The following EFCAB5 variants were observed in gnomAD, a reference collection of about 807,000 sequenced individuals.
EFCAB5 encodes EF-hand calcium-binding domain-containing protein 5.
A neutral mutation model predicts 167.9 loss-of-function variants in EFCAB5; 131 were observed. The ratio of observed to expected loss-of-function variants is 0.78; its 90% CI spans 0.68 to 0.90. The LOEUF is 0.90. Ranked by LOEUF, EFCAB5 falls within the 40% of genes least tolerant of loss-of-function variation. EFCAB5 has a pLI of 0.00. For synonymous variants in EFCAB5, 574 were observed against 602.8 expected, an observed-to-expected ratio of 0.95 and a Z score of 0.70; for missense variants, 1,663 against 1,745.2, an observed-to-expected ratio of 0.95 and a Z score of 0.84.
chr17:30,087,141 A>G lies in EFCAB5; in HGVS notation c.3658A>G (p.Ile1220Val), dbSNP rs1179290023. The G allele has an allele frequency of 6.2e-7, 1 of 1,613,640 alleles. No homozygotes were observed. The highest frequency in any genetic ancestry group is 1.1e-5 in the South Asian group (1 of 91,078). The change falls in exon 19 of 23, where the codon ATC becomes GTC. Residue 1220 changes from isoleucine to valine, a missense_variant. Physicochemically the swap from Ile to Val is conservative, Grantham distance 29 (BLOSUM62 3). Coordinates refer to ENST00000394835, the MANE Select transcript of EFCAB5 (RefSeq NM_198529.4). ...AGAAATCCACAAAAATCCTCCTACC[A>G]TCCACAGGAAGTCATGCATCTTCAG... is the stretch of plus-strand genomic sequence containing the variant. The part of the protein sequence containing the change: ...LTEIHKNPPT[I>V]HRKSCIFRDF...
At chr17:30,080,291 C>T (rs761005663) in intron 16 of EFCAB5, 50 bp downstream of exon 16, 8 of 1,478,806 alleles carry the variant, frequency 5.4e-6, no homozygotes, top group Non-Finnish European at 5.4e-6. Context: ...AAAATAATTC[C>T]CTTTCTGAGT....
At chr17:30,092,608 C>G (rs1344306942) in intron 21 of EFCAB5, among the ~76,000 whole-genome samples, 2 of 152,156 alleles carry the variant, frequency 1.3e-5, no homozygotes, top group Non-Finnish European at 2.9e-5. Flanking sequence ...AGGCTGGTCT[C>G]GAACTCCTGA....
chr17:30,068,233 C>T (rs898509929), intron 14 of EFCAB5, among the ~76,000 whole-genome samples: 27 of 151,610 alleles, frequency 1.8e-4, no homozygotes, highest in Admixed American at 2.6e-4. Context: ...ACCCAGGAGG[C>T]GGAGCTTGCA....
chr17:29,995,296 CTT>C (rs555128441), intron 5 of EFCAB5, among the ~76,000 whole-genome samples: 41 of 152,188 alleles, frequency 2.7e-4, no homozygotes, highest in Non-Finnish European at 5.4e-4. Context: ...TCAGAACACT[CTT>C]ATAGTAAACA....
At chr17:30,071,914 T>A (rs547131045) in intron 14 of EFCAB5, among the ~76,000 whole-genome samples, 5 of 152,322 alleles carry the variant, frequency 3.3e-5, no homozygotes, top group Admixed American at 1.3e-4. Context: ...AAATATTACA[T>A]GTTCTTACTC....
chr17:29,969,606 G>C (rs899713964), intron 4 of EFCAB5, among the ~76,000 whole-genome samples: 1 of 152,084 alleles, frequency 6.6e-6, no homozygotes, highest in African/African-American at 2.4e-5. Flanking sequence ...AGTGTATAAT[G>C]ATTTGTATTT....
At chr17:29,952,185 G>A (rs573573779) in intron 3 of EFCAB5, among the ~76,000 whole-genome samples, 7 of 151,584 alleles carry the variant, frequency 4.6e-5, no homozygotes, top group Non-Finnish European at 1.0e-4. Flanking sequence ...ATAGATGGAA[G>A]GGCAAAAAAA....
chr17:30,087,149 G>A lies in EFCAB5; in HGVS notation c.3666G>A (p.Arg1222=). 1 of 1,613,656 alleles carries A rather than the reference G, an allele frequency of 6.2e-7. No individual in the cohort carries two copies. The highest frequency in any genetic ancestry group is 8.5e-7 in the Non-Finnish European group (1 of 1,179,694). ...ACAAAAATCCTCCTACCATCCACAG[G>A]AAGTCATGCATCTTCAGGTTAGAGA... is the stretch of plus-strand genomic sequence containing the variant. ...EIHKNPPTIH[R]KSCIFRDFLF... Residue 1222 remains arginine, a synonymous_variant, in exon 19 of 23, where the codon AGG becomes AGA. Coordinates refer to ENST00000394835, the MANE Select transcript of EFCAB5 (RefSeq NM_198529.4).
At chr17:29,950,911 G>A (rs1346587253) in intron 3 of EFCAB5, among the ~76,000 whole-genome samples, 1 of 152,060 alleles carries the variant, frequency 6.6e-6, no homozygotes, top group Non-Finnish European at 1.5e-5. Context: ...AGGGTCAACT[G>A]TACATTAGAA....
Position 30,055,964 on chromosome 17 carries a change from A to G in EFCAB5, c.2271A>G (p.Ser757=), listed in dbSNP as rs1353123264. 6.2e-7 allele frequency: 1 copy of G among 1,613,676 alleles called. No individual in the cohort carries two copies. The highest frequency in any genetic ancestry group is 8.5e-7 in the Non-Finnish European group (1 of 1,179,744). The change falls in exon 11 of 23, where the codon TCA becomes TCG. Residue 757 remains serine, a splice_region_variant and synonymous_variant. Transcript: ENST00000394835. Reference sequence around the variant, plus strand: ...AAAAAATAGAAGGAAAGTCATGGTCAGGTAACTCCTCATTTAATCCTCCTT... The same window carrying G: ...AAAAAATAGAAGGAAAGTCATGGTCGGGTAACTCCTCATTTAATCCTCCTT... ...KSQKIEGKSW[S]GEFFTCNWKM...
chr17:29,988,394 G>A (rs1016227836), intron 4 of EFCAB5, among the ~76,000 whole-genome samples: 20 of 152,284 alleles, frequency 1.3e-4, no homozygotes, highest in Middle Eastern at 3.4e-3. Context: ...CATATTAAAA[G>A]CAGTCAATAC....
intron 3 of EFCAB5, among the ~76,000 whole-genome samples, chr17:29,965,080 T>A (rs77973583): frequency 2.6e-5 from 4 of 151,834 alleles, no homozygotes; most frequent in African/African-American, 7.3e-5. Context: ...TTTTTTTTTT[T>A]AATTTACAGA....
rs368768348 is a variant in EFCAB5 at position 30,054,172 on chromosome 17, C to T, written c.2194+24C>T. The T allele has an allele frequency of 3.2e-5, 48 of 1,493,636 alleles. No homozygotes were observed. In the East Asian group the frequency reaches 3.8e-4, roughly 12 times the overall value. 92.5% of individuals were successfully genotyped at this position (1,493,636 alleles called of 1,614,324 possible). ...AGGTAGTAATGCAGTTCTTCTACAA[C>T]ATCAGTTCCCTGTTTTGTGGAATGG... On this transcript the variant is annotated intron_variant, in intron 10 of 22. Transcript: ENST00000394835.
At chr17:30,021,579 T>A (rs2069181445) in intron 7 of EFCAB5, among the ~76,000 whole-genome samples, 1 of 151,570 alleles carries the variant, frequency 6.6e-6, no homozygotes, top group South Asian at 2.1e-4. Context: ...TAATTAATAT[T>A]AGTTTTCCTG....
intron 4 of EFCAB5, among the ~76,000 whole-genome samples, chr17:29,991,880 A>G (rs1037190246): frequency 6.6e-6 from 1 of 152,190 alleles, no homozygotes; most frequent in African/African-American, 2.4e-5. Context: ...AGCTATTTTT[A>G]CTACCTGTTT....
chr17:30,070,557 A>G (rs1352036991), intron 14 of EFCAB5, among the ~76,000 whole-genome samples: 1 of 152,224 alleles, frequency 6.6e-6, no homozygotes, highest in Non-Finnish European at 1.5e-5. Context: ...ACTGATTTTC[A>G]ACAAAGGTAC....
At position 29,993,277 on chromosome 17, in the gene EFCAB5, G is replaced by A. The variant is rs200459957; in HGVS notation, c.880G>A (p.Asp294Asn). ...TRKQALQEQF[D>N]EWILDPKGMI... ...GAAACAGGCTCTGCAGGAGCAATTC[G>A]ATGAATGGATTCTAGACCCTAAAGG... Residue 294 changes from aspartate (D) to asparagine (N), a missense_variant, in exon 5 of 23, where the codon GAT (aspartate) becomes AAT (asparagine). By Grantham distance (23) the Asp-to-Asn change is conservative (BLOSUM62 1). Transcript: ENST00000394835. 92 of 1,613,618 alleles carry A rather than the reference G, an allele frequency of 5.7e-5. No homozygotes were observed. In the African/African-American group the frequency reaches 6.5e-4, roughly 11 times the overall value.
chr17:29,974,156 T>TA (rs556600386), intron 4 of EFCAB5, among the ~76,000 whole-genome samples: 9,950 of 118,530 alleles, frequency 0.084, 672 homozygotes, highest in African/African-American at 0.2. Flanking sequence ...AAACTCTATC[T>TA]AAAAAAAAAA....
rs189413348 is a variant in EFCAB5, at chr17:30,078,628, T to C, written c.3027+124T>C. 2.6e-4 allele frequency: 310 copies of C among 1,207,796 alleles called. 1 individual carries two copies. In the East Asian group the frequency reaches 6.0e-3, roughly 23 times the overall value. The allele number at this position is 1,207,796 out of a possible 1,614,324, so 74.8% of individuals were successfully genotyped here. A position where few individuals can be genotyped will look rare whatever the true frequency, so the allele number is the denominator to read the frequency against. ...TCACTGGGTGCTGCTGTAGATATTTTATTCATTCCAGTCCATTACAAATGG... is the reference window on the plus strand; with the variant it reads ...TCACTGGGTGCTGCTGTAGATATTTCATTCATTCCAGTCCATTACAAATGG... On this transcript the variant is annotated intron_variant, in intron 15 of 22. Coordinates refer to ENST00000394835, the MANE Select transcript of EFCAB5 (RefSeq NM_198529.4).
Sources: allele counts gnomAD v4.1 joint callset (sites outside exome capture counted in the v4.1 genomes callset), GRCh38; gene constraint gnomAD v4.1.1; transcripts MANE v1.5; gene names NCBI Gene and HGNC (gene_info 2026-07-23, HGNC 2026-07-21).